Variants in GNAL observed in about 807,000 individuals in gnomAD.
GNAL encodes G protein subunit alpha L.
Under a neutral mutation model 55.1 loss-of-function variants are expected in GNAL, and 18 were observed. The observed-to-expected ratio is 0.33, with a 90% CI of 0.23 to 0.48. GNAL has a LOEUF of 0.48. Ranked by LOEUF, GNAL falls within the 20% of genes least tolerant of loss-of-function variation. The probability of loss-of-function intolerance (pLI) is 0.99; values close to 1 mark genes in which losing one functional copy is unlikely to be tolerated. For missense variants in GNAL, 412 were observed against 614.1 expected, an observed-to-expected ratio of 0.67 and a Z score of 3.48; for synonymous variants, 253 against 237.0, an observed-to-expected ratio of 1.07 and a Z score of -0.62.
At chr18:11,876,793 A>G in intron 11 of GNAL, 105 bp downstream of exon 11, 1 of 754,820 alleles carries the variant, frequency 1.3e-6, no homozygotes, top group South Asian at 1.4e-5. Context: ...CTTCCTTAAC[A>G]TTACGAGCGA....
chr18:11,691,618 A>G (rs1203336105), intron 1 of GNAL, among the ~76,000 whole-genome samples: 1 of 151,492 alleles, frequency 6.6e-6, no homozygotes, highest in African/African-American at 2.4e-5. Context: ...TCTTTAATCC[A>G]TCTTGAATTA....
At chr18:11,755,435 G>A (rs931612605) in intron 4 of GNAL, among the ~76,000 whole-genome samples, 5 of 152,020 alleles carry the variant, frequency 3.3e-5, no homozygotes, top group African/African-American at 7.2e-5. Context: ...CACCTCACCC[G>A]GCTAATGTTT....
intron 4 of GNAL, among the ~76,000 whole-genome samples, chr18:11,764,775 A>AAAAC (rs529998794): frequency 1.4e-5 from 2 of 146,912 alleles, no homozygotes; most frequent in Non-Finnish European, 3.0e-5. Flanking sequence ...ACCCTGTCTC[A>AAAAC]AAACAAACAA....
At chr18:11,839,339 T>A (rs60726454) in intron 5 of GNAL, among the ~76,000 whole-genome samples, 11,990 of 151,038 alleles carry the variant, frequency 0.079, 912 homozygotes, top group African/African-American at 0.2. Flanking sequence ...AGCCTAGGAG[T>A]TTGAGAGCAG....
chr18:11,710,529 G>A (rs1433174034), intron 1 of GNAL, among the ~76,000 whole-genome samples: 3 of 151,780 alleles, frequency 2.0e-5, no homozygotes, highest in African/African-American at 7.3e-5. Context: ...TTGCTGTTTA[G>A]TATGCTTTCA....
intron 4 of GNAL, among the ~76,000 whole-genome samples, chr18:11,770,429 C>T (rs6505675): frequency 0.14 from 21,179 of 152,158 alleles, 3,210 homozygotes; most frequent in African/African-American, 0.38. Flanking sequence ...AATTTTCCTC[C>T]CTACTGCCAC....
intron 1 of GNAL, chr18:11,746,782 G>C (rs2032697059): frequency 7.3e-6 from 3 of 413,468 alleles, no homozygotes; most frequent in African/African-American, 2.0e-5. Flanking sequence ...AGACATTTGT[G>C]ACTGGCATGG....
intron 5 of GNAL, among the ~76,000 whole-genome samples, chr18:11,825,709 C>G (rs2035222732): frequency 1.8e-5 from 2 of 110,966 alleles, no homozygotes. Flanking sequence ...CTGGCCTGGG[C>G]GACAGATGAG....
At chr18:11,857,793 A>G (rs1443818329) in intron 5 of GNAL, 1 of 950,010 alleles carries the variant, frequency 1.1e-6, no homozygotes, top group Admixed American at 6.2e-5. Flanking sequence ...CACGTGAGTA[A>G]TGTTTTTCTC....
intron 4 of GNAL, among the ~76,000 whole-genome samples, chr18:11,800,449 G>A (rs2034494765): frequency 6.6e-6 from 1 of 152,178 alleles, no homozygotes; most frequent in African/African-American, 2.4e-5. Context: ...GGCATGAAAG[G>A]ATGGGCTCGT....
At chr18:11,810,040 C>G (rs967790084) in intron 4 of GNAL, among the ~76,000 whole-genome samples, 1 of 152,192 alleles carries the variant, frequency 6.6e-6, no homozygotes, top group Non-Finnish European at 1.5e-5. Context: ...CTTCCTGTAG[C>G]CACTGAGGTT....
chr18:11,838,853 A>G (rs1451738385), intron 5 of GNAL, among the ~76,000 whole-genome samples: 1 of 152,238 alleles, frequency 6.6e-6, no homozygotes, highest in South Asian at 2.1e-4. Context: ...TACAGTACCC[A>G]TACTGAAAAT....
At chr18:11,794,795 G>C (rs1025845333) in intron 4 of GNAL, among the ~76,000 whole-genome samples, 1 of 144,666 alleles carries the variant, frequency 6.9e-6, no homozygotes, top group Non-Finnish European at 1.5e-5. Context: ...GGACAGGCCA[G>C]CCCAGTGGCT....
chr18:11,873,458 T>C (rs1266517318), intron 10 of GNAL, among the ~76,000 whole-genome samples: 1 of 152,156 alleles, frequency 6.6e-6, no homozygotes, highest in African/African-American at 2.4e-5. Flanking sequence ...TATTTCCTTA[T>C]AGGAATAAAT....
intron 1 of GNAL, among the ~76,000 whole-genome samples, chr18:11,690,856 T>C (rs1294440409): frequency 6.6e-6 from 1 of 151,594 alleles, no homozygotes; most frequent in Non-Finnish European, 1.5e-5. Flanking sequence ...ATCCAGTCTA[T>C]CATTGTTGGA....
chr18:11,845,580 T>C (rs1251486012), intron 5 of GNAL, among the ~76,000 whole-genome samples: 1 of 152,020 alleles, frequency 6.6e-6, no homozygotes, highest in Non-Finnish European at 1.5e-5. Context: ...TGTACGTTAG[T>C]TTGTAGGAAC....
At chr18:11,732,953 A>G (rs948706074) in intron 1 of GNAL, among the ~76,000 whole-genome samples, 1 of 152,246 alleles carries the variant, frequency 6.6e-6, no homozygotes, top group Non-Finnish European at 1.5e-5. Flanking sequence ...TTATGTATTC[A>G]TGAAGTAAGA....
chr18:11,689,847 T>C lies in GNAL; in HGVS notation c.284T>C (p.Val95Ala), dbSNP rs753374463. ...EREAAKEREA[V>A]KEARKVSRGI... ...GAGGCGGCCAAGGAGCGCGAGGCGG[T>C]CAAGGAGGCGAGGAAAGTGAGCCGG... The change falls in exon 1 of 12, where the codon GTC (valine) becomes GCC (alanine). Residue 95 changes from valine (V) to alanine (A), a missense_variant. By Grantham distance (64) the Val-to-Ala change is moderately conservative. Around this residue, in one of 5 missense-constraint regions of GNAL, gnomAD observed 228 missense variants for 194.8 expected, o/e 1.17. Coordinates refer to ENST00000334049, the MANE Select transcript of GNAL (RefSeq NM_182978.4). 14 of 1,532,514 alleles carry C rather than the reference T, an allele frequency of 9.1e-6. No homozygotes were observed. Among genetic ancestry groups the C allele is most frequent in the Middle Eastern group, 1.7e-4 (1 of 5,928 alleles). The allele number at this position is 1,532,514 out of a possible 1,614,324, so 94.9% of individuals were successfully genotyped here. A position where few individuals can be genotyped will look rare whatever the true frequency, so the allele number is the denominator to read the frequency against.
At chr18:11,851,606 A>G (rs779086835) in intron 5 of GNAL, 9 of 1,613,780 alleles carry the variant, frequency 5.6e-6, no homozygotes, top group Non-Finnish European at 7.6e-6. Flanking sequence ...GAAAAGGCCG[A>G]AAAGGCCAAA....
Sources: allele counts gnomAD v4.1 joint callset (sites outside exome capture counted in the v4.1 genomes callset), GRCh38; gene constraint gnomAD v4.1.1; regional missense constraint gnomAD v4.1.1; transcripts MANE v1.5; gene names NCBI Gene and HGNC (gene_info 2026-07-23, HGNC 2026-07-21).